The following SLC9A3 variants were observed in gnomAD, a reference collection of about 807,000 sequenced individuals.
The protein encoded by SLC9A3 is solute carrier family 9 member A3.
In SLC9A3, 37 loss-of-function variants were observed where a neutral mutation model predicts 86.8. The ratio of observed to expected loss-of-function variants is 0.43; its 90% CI spans 0.33 to 0.56. The LOEUF (loss-of-function observed/expected upper bound fraction) is 0.56. Among genes scored for constraint, SLC9A3 ranks in the 20% least tolerant of loss-of-function variants. The probability of loss-of-function intolerance (pLI) is 0.06; values close to 1 mark genes in which losing one functional copy is unlikely to be tolerated. For synonymous variants in SLC9A3, 581 were observed against 528.3 expected (o/e 1.10, Z -1.37); for missense variants, 1,011 against 1,171.9 (o/e 0.86, Z 2.00).
chr5:477,421 G>A lies in SLC9A3; in HGVS notation c.1671C>T (p.Ala557=). The A allele has an allele frequency of 7.4e-6, 12 of 1,612,820 alleles. No homozygotes were observed. Among genetic ancestry groups the A allele is most frequent in the Non-Finnish European group, 1.0e-5 (12 of 1,179,716 alleles). ...TGTCGGTGCTGGGGGAGCGGATGAAGGCCAGGGACCCGCGGCGCTCTCCCT... is the reference window on the plus strand; with the variant it reads ...TGTCGGTGCTGGGGGAGCGGATGAAAGCCAGGGACCCGCGGCGCTCTCCCT... The part of the protein sequence containing the change: ...VAEGERRGSL[A]FIRSPSTDNV... The change falls in exon 11 of 17, where the codon GCC becomes GCT. Residue 557 remains alanine, a synonymous_variant. Transcript: ENST00000264938.
chr5:476,854 C>T (rs890978), intron 11 of SLC9A3, among the ~76,000 whole-genome samples, 182 bp from the exon 12 acceptor site: 69,841 of 152,164 alleles, frequency 0.46, 17,061 homozygotes, highest in African/African-American at 0.64. Flanking sequence ...CTTCTCCCCT[C>T]GGGGCTTAGG....
At chr5:502,613 G>C (rs1264948940) in intron 1 of SLC9A3, among the ~76,000 whole-genome samples, 1 of 152,182 alleles carries the variant, frequency 6.6e-6, no homozygotes, top group Non-Finnish European at 1.5e-5. Context: ...AGCAGACAAG[G>C]GCCTAAAACA....
In SLC9A3 at chr5:470,918, A is replaced by G. The variant is rs1401508111; in HGVS notation, c.*2461T>C. On this transcript the variant is annotated 3_prime_UTR_variant, in exon 17 of 17. Transcript: ENST00000264938. ...CAAGTTTTCCTAAGGAAATACATTC[A>G]TAAGACTGTTTACCTTCTGTTTGAC... is the stretch of plus-strand genomic sequence containing the variant. The G allele has an allele frequency of 1.3e-5, 2 of 152,384 alleles. No homozygotes were observed. Among genetic ancestry groups the G allele is most frequent in the African/African-American group, 4.8e-5 (2 of 41,474 alleles). 9.4% of individuals were successfully genotyped at this position (152,384 alleles called of 1,614,324 possible). A position where few individuals can be genotyped will look rare whatever the true frequency, so the allele number is the denominator to read the frequency against.
chr5:471,853 G>A lies in SLC9A3; in HGVS notation c.*1526C>T, dbSNP rs1000569193. 2.2e-6 allele frequency: 1 copy of A among 456,602 alleles called. No individual in the cohort carries two copies. Among genetic ancestry groups the A allele is most frequent in the Non-Finnish European group, 4.4e-6 (1 of 226,936 alleles). The allele number at this position is 456,602 out of a possible 1,614,324, so 28.3% of individuals were successfully genotyped here. On this transcript the variant is annotated 3_prime_UTR_variant, in exon 17 of 17. Transcript: ENST00000264938. The stretch of plus-strand genomic sequence containing the variant: ...TTCACAACAGTAAAAAGCTATCAAT[G>A]GGAAATTGTGGACTTTTCCCACCAG...
intron 1 of SLC9A3, among the ~76,000 whole-genome samples, chr5:498,418 T>G (rs1740124910): frequency 6.6e-6 from 1 of 152,198 alleles, no homozygotes; most frequent in Admixed American, 6.5e-5. Flanking sequence ...GCCCTTTTCT[T>G]TTGAGACATC....
chr5:489,308 G>A (rs1207663690), intron 2 of SLC9A3, among the ~76,000 whole-genome samples: 1 of 152,158 alleles, frequency 6.6e-6, no homozygotes, highest in East Asian at 1.9e-4. Context: ...TGAGGGTGTG[G>A]GAGAGACCAC....
chr5:498,241 G>C (rs758400515), intron 1 of SLC9A3, among the ~76,000 whole-genome samples: 1 of 151,944 alleles, frequency 6.6e-6, no homozygotes, highest in African/African-American at 2.4e-5. Flanking sequence ...GAACGCCCCC[G>C]TTCCACTTCC....
At chr5:509,800 C>A (rs371629180) in intron 1 of SLC9A3, among the ~76,000 whole-genome samples, 13 of 152,212 alleles carry the variant, frequency 8.5e-5, no homozygotes, top group African/African-American at 3.1e-4. Context: ...GGAAGGCCTC[C>A]GTGTCTCGCA....
intron 6 of SLC9A3, 67 bp from the exon 7 acceptor site, chr5:482,817 C>T (rs532967770): frequency 1.5e-4 from 199 of 1,300,908 alleles, no homozygotes; most frequent in African/African-American, 2.5e-4. Flanking sequence ...CCAGCCCCTC[C>T]GGGACAGCGT....
intron 1 of SLC9A3, among the ~76,000 whole-genome samples, chr5:492,699 G>A (rs913946892): frequency 2.0e-5 from 3 of 152,236 alleles, no homozygotes; most frequent in African/African-American, 7.2e-5. Context: ...CGCCCGGCTG[G>A]TTCTGGTCCC....
At chr5:504,780 C>G (rs546675226) in intron 1 of SLC9A3, among the ~76,000 whole-genome samples, 8 of 152,180 alleles carry the variant, frequency 5.3e-5, no homozygotes, top group African/African-American at 1.9e-4. Context: ...GGCCGGCCAC[C>G]GACATGGCCC....
Position 491,317 on chromosome 5 carries a change from A to C in SLC9A3, c.514+452T>G, listed in dbSNP as rs1739726877. On this transcript the variant is annotated intron_variant, in intron 2 of 16. Transcript: ENST00000264938. This position sits in a 1 kb window ranked among gnomAD's most constrained non-coding sequence, Gnocchi z 9.2. ...GCAGTGCCCGAGAGATGAAGCATCC[A>C]AGACCAAAACCGCGCAGCAGTTCTG... Among the ~76,000 whole-genome samples, 1 of 152,162 alleles carries C rather than the reference A, an allele frequency of 6.6e-6. No individual in the cohort carries two copies. Among genetic ancestry groups the C allele is most frequent in the African/African-American group, 2.4e-5 (1 of 41,434 alleles).
chr5:514,871 G>A (rs1486738091), intron 1 of SLC9A3, among the ~76,000 whole-genome samples: 1 of 152,202 alleles, frequency 6.6e-6, no homozygotes, highest in Non-Finnish European at 1.5e-5. Flanking sequence ...AGCTGCCAGT[G>A]CGTCCCTGGC....
In SLC9A3 at chr5:491,082, TGA is replaced by T. The variant is rs1739714966; in HGVS notation, c.514+685_514+686del. ...TTCAGCTGGTGGATTTGTTTGAGGC[TGA>T]GTTCTCAGACCGGTGAGGGCGGCAG... On this transcript the variant is annotated intron_variant, in intron 2 of 16. Transcript: ENST00000264938. The surrounding 1 kb of genome is among the most constrained non-coding windows in gnomAD (Gnocchi z 9.2). Among the ~76,000 whole-genome samples the T allele has an allele frequency of 6.6e-6, 1 of 152,196 alleles. No individual in the cohort carries two copies. The highest frequency in any genetic ancestry group is 1.5e-5 in the Non-Finnish European group (1 of 68,016).
At chr5:474,037 C>T (rs1738554773) in intron 16 of SLC9A3, among the ~76,000 whole-genome samples, 1 of 152,228 alleles carries the variant, frequency 6.6e-6, no homozygotes, top group Non-Finnish European at 1.5e-5. Context: ...TGTCCGGGCT[C>T]CTGAGGGAGG....
chr5:516,842 G>T (rs1733744980), intron 1 of SLC9A3, among the ~76,000 whole-genome samples: 1 of 152,212 alleles, frequency 6.6e-6, no homozygotes, highest in East Asian at 1.9e-4. Flanking sequence ...TAAAGCCATT[G>T]TCATCCAGAA....
intron 1 of SLC9A3, among the ~76,000 whole-genome samples, chr5:506,383 A>G (rs1247792360): frequency 6.6e-6 from 1 of 152,190 alleles, no homozygotes; most frequent in African/African-American, 2.4e-5. Flanking sequence ...CAGCCCGCAC[A>G]GGGCGCATTC....
chr5:475,230 TAGGG>T lies in SLC9A3; in HGVS notation c.2252-102_2252-99del, dbSNP rs1738644236. ...TCACCTGCTGGGTGCCTTGGAAAGT[TAGGG>T]TCACCGGGAAGGTTAGGGTCACGTG... On this transcript the variant is annotated intron_variant, in intron 15 of 16. Transcript: ENST00000264938. 12 of 716,520 alleles carry T rather than the reference TAGGG, an allele frequency of 1.7e-5. No individual in the cohort carries two copies. The South Asian group carries it at 1.9e-4, about 11-fold the overall frequency. 44.4% of individuals were successfully genotyped at this position (716,520 alleles called of 1,614,324 possible).
intron 1 of SLC9A3, among the ~76,000 whole-genome samples, chr5:522,049 CAG>C (rs1733897398): frequency 6.6e-6 from 1 of 152,172 alleles, no homozygotes; most frequent in Non-Finnish European, 1.5e-5. Context: ...GCGTAAAGGG[CAG>C]GTCTGGAGAG....
Sources: gnomAD v4.1 joint callset for allele counts (sites outside exome capture counted in the v4.1 genomes callset) on GRCh38, gnomAD v4.1.1 for gene constraint, Gnocchi (gnomAD v3.1) non-coding constraint, MANE v1.5 for transcripts, NCBI Gene and HGNC (gene_info 2026-07-23, HGNC 2026-07-21) for gene names.